The following ZFYVE27 variants were observed in gnomAD, a reference collection of about 807,000 sequenced individuals.
The protein encoded by ZFYVE27 is protrudin.
A neutral mutation model predicts 52.8 loss-of-function variants in ZFYVE27; 36 were observed. The ratio of observed to expected loss-of-function variants is 0.68; its 90% CI spans 0.52 to 0.90. ZFYVE27 has a LOEUF of 0.90. ZFYVE27 is among the 40% of genes least tolerant of loss of function. The pLI, the probability that ZFYVE27 is intolerant of heterozygous loss-of-function variation, is 0.00. For synonymous variants in ZFYVE27, 223 were observed against 215.6 expected (o/e 1.03, Z -0.30); for missense variants, 450 against 527.2 (o/e 0.85, Z 1.43).
At chr10:97,758,477 C>T (rs2048975820) in intron 12 of ZFYVE27, among the ~76,000 whole-genome samples, 1 of 152,108 alleles carries the variant, frequency 6.6e-6, no homozygotes, top group African/African-American at 2.4e-5. Flanking sequence ...GCATGCGCCA[C>T]CACACCCGGC....
chr10:97,754,660 G>T, intron 10 of ZFYVE27: 1 of 1,288,652 alleles, frequency 7.8e-7, no homozygotes, highest in Middle Eastern at 2.1e-4. Context: ...AGGGCATTCT[G>T]TATGTTCAGT....
chr10:97,752,908 G>T (rs1339409948), intron 9 of ZFYVE27, 31 bp downstream of exon 9: 2 of 1,613,578 alleles, frequency 1.2e-6, no homozygotes. Flanking sequence ...GTGGGCAGGG[G>T]CTGGGCTGGG....
intron 3 of ZFYVE27, 41 bp from the exon 4 acceptor site, chr10:97,744,688 T>C: frequency 6.2e-7 from 1 of 1,610,406 alleles, no homozygotes; most frequent in Non-Finnish European, 8.5e-7. Context: ...ACTCCTGGTC[T>C]TTGCTTACCT....
At chr10:97,740,374 G>A (rs2043289664) in intron 2 of ZFYVE27, among the ~76,000 whole-genome samples, 1 of 152,234 alleles carries the variant, frequency 6.6e-6, no homozygotes, top group South Asian at 2.1e-4. Context: ...AAGGGGTAGG[G>A]AGACAGTATG....
intron 10 of ZFYVE27, among the ~76,000 whole-genome samples, chr10:97,754,197 C>T (rs1439628186): frequency 6.6e-6 from 1 of 152,110 alleles, no homozygotes; most frequent in Non-Finnish European, 1.5e-5. Flanking sequence ...TCAGGGCCCC[C>T]AGGGTCCTGC....
intron 5 of ZFYVE27, among the ~76,000 whole-genome samples, chr10:97,749,035 TC>T (rs1295759137): frequency 2.0e-5 from 3 of 152,178 alleles, no homozygotes; most frequent in African/African-American, 4.8e-5. Flanking sequence ...TGCTCAACAC[TC>T]CCTCTGTATT....
chr10:97,748,337 A>G lies in ZFYVE27; in HGVS notation c.524A>G (p.His175Arg). 1.2e-6 allele frequency: 2 copies of G among 1,614,136 alleles called. No homozygotes were observed. The highest frequency in any genetic ancestry group is 1.7e-6 in the Non-Finnish European group (2 of 1,180,036). ...TGTGAAGCCGCCTACCGCGTGCTGCACTGGGAGAACCCCGTCGTGTCCTCA... is the reference window on the plus strand; with the variant it reads ...TGTGAAGCCGCCTACCGCGTGCTGCGCTGGGAGAACCCCGTCGTGTCCTCA... ...CTCEAAYRVL[H>R]WENPVVSSQF... is the part of the protein sequence containing the mutation. Residue 175 changes from histidine to arginine, a missense_variant, in exon 5 of 13, where the codon CAC (histidine) becomes CGC (arginine). By Grantham distance (29) the His-to-Arg change is conservative. Transcript: ENST00000684270.
chr10:97,759,572 A>G lies in ZFYVE27; in HGVS notation c.*272A>G. The G allele has an allele frequency of 7.6e-6, 4 of 528,928 alleles. No homozygotes were observed. Among genetic ancestry groups the G allele is most frequent in the Non-Finnish European group, 1.4e-5 (4 of 290,282 alleles). The allele number at this position is 528,928 out of a possible 1,614,324, so 32.8% of individuals were successfully genotyped here. A position where few individuals can be genotyped will look rare whatever the true frequency, so the allele number is the denominator to read the frequency against. On this transcript the variant is annotated 3_prime_UTR_variant, in exon 13 of 13. Transcript: ENST00000684270. ...GTCCTGCTCTGCCTGGGACTGAGCG[A>G]GTGGACTTAGGGCTGGGCAGGCAGT... is the stretch of plus-strand genomic sequence containing the variant.
chr10:97,751,610 AACCCCTCCCC>A (rs1224850510), intron 8 of ZFYVE27, 148 bp downstream of exon 8: 9 of 796,654 alleles, frequency 1.1e-5, no homozygotes, highest in Non-Finnish European at 1.7e-5. Context: ...AGTGCCACTG[AACCCCTCCCC>A]ACTCCTGTTT....
chr10:97,757,235 G>A (rs889670679), intron 10 of ZFYVE27, 30 bp from the exon 11 acceptor site: 21 of 1,613,890 alleles, frequency 1.3e-5, no homozygotes, highest in Admixed American at 5.0e-5. Flanking sequence ...TGGGATGGGC[G>A]GGGGTTGAGC....
chr10:97,753,703 A>G (rs1432796983), intron 10 of ZFYVE27, among the ~76,000 whole-genome samples: 1 of 152,160 alleles, frequency 6.6e-6, no homozygotes, highest in Non-Finnish European at 1.5e-5. Context: ...AAGGGCTAGC[A>G]CAGTGCTGGT....
At chr10:97,749,451 T>C (rs753333815) in intron 5 of ZFYVE27, 23 bp from the exon 6 acceptor site, 21 of 1,591,120 alleles carry the variant, frequency 1.3e-5, no homozygotes, top group Non-Finnish European at 1.8e-5. Context: ...TTTCTGATCT[T>C]GTGGTTCTTC....
At chr10:97,757,553 T>C (rs1259169451) in intron 11 of ZFYVE27, 89 bp from the exon 12 acceptor site, 2 of 1,449,440 alleles carry the variant, frequency 1.4e-6, no homozygotes, top group African/African-American at 2.8e-5. Context: ...TTTCCTTGGG[T>C]GGGATCAGCT....
chr10:97,751,293 T>G (rs1331599513), intron 7 of ZFYVE27, 98 bp from the exon 8 acceptor site: 1 of 1,366,626 alleles, frequency 7.3e-7, no homozygotes, highest in Non-Finnish European at 1.0e-6. Context: ...TTTCGTGGTG[T>G]TTTGGGTAGC....
intron 11 of ZFYVE27, 124 bp from the exon 12 acceptor site, chr10:97,757,518 C>A: frequency 7.7e-7 from 1 of 1,305,956 alleles, no homozygotes; most frequent in Non-Finnish European, 1.1e-6. Flanking sequence ...CTTTCCTGCT[C>A]CACTTGGGCA....
intron 12 of ZFYVE27, among the ~76,000 whole-genome samples, chr10:97,758,404 A>G (rs1564840184): frequency 6.6e-6 from 1 of 151,248 alleles, no homozygotes; most frequent in Non-Finnish European, 1.5e-5. Context: ...GCTCACCACA[A>G]CCTCTGCCTC....
chr10:97,757,895 C>T (rs931881302), intron 12 of ZFYVE27, 172 bp downstream of exon 12: 7 of 612,610 alleles, frequency 1.1e-5, no homozygotes, highest in Non-Finnish European at 1.8e-5. Context: ...TGGTACATGC[C>T]GAAGAATAGA....
At chr10:97,757,233 G>A (rs2048588372) in intron 10 of ZFYVE27, 32 bp from the exon 11 acceptor site, 18 of 1,613,982 alleles carry the variant, frequency 1.1e-5, no homozygotes, top group Non-Finnish European at 1.4e-5. Context: ...CCTGGGATGG[G>A]CGGGGGTTGA....
chr10:97,742,966 C>T, intron 2 of ZFYVE27, 128 bp from the exon 3 acceptor site: 2 of 999,968 alleles, frequency 2.0e-6, no homozygotes, highest in East Asian at 2.4e-5. Flanking sequence ...GCCCCCTTTT[C>T]GTTTCTCCTT....
Sources: allele counts gnomAD v4.1 joint callset (sites outside exome capture counted in the v4.1 genomes callset), GRCh38; gene constraint gnomAD v4.1.1; transcripts MANE v1.5; gene names NCBI Gene and HGNC (gene_info 2026-07-23, HGNC 2026-07-21).